Variants in VWC2 observed in about 807,000 individuals in gnomAD.
The protein encoded by VWC2 is von Willebrand factor C domain containing 2.
A neutral mutation model predicts 29.8 loss-of-function variants in VWC2; 14 were observed. The observed-to-expected ratio is 0.47, with a 90% CI of 0.31 to 0.74. The LOEUF is 0.74. VWC2 is among the 30% of genes least tolerant of loss of function. The probability of loss-of-function intolerance (pLI) is 0.05; values close to 1 mark genes in which losing one functional copy is unlikely to be tolerated. For synonymous variants in VWC2, 213 were observed against 199.0 expected (o/e 1.07, Z -0.59); for missense variants, 457 against 459.8 (o/e 0.99, Z 0.05).
intron 3 of VWC2, among the ~76,000 whole-genome samples, chr7:49,819,266 A>G (rs914240673): frequency 1.3e-5 from 2 of 152,208 alleles, no homozygotes; most frequent in African/African-American, 4.8e-5. Flanking sequence ...CAGGAGTTCA[A>G]GGGTGGAGAC....
At chr7:49,861,618 G>C (rs949074925) in intron 3 of VWC2, among the ~76,000 whole-genome samples, 1 of 152,156 alleles carries the variant, frequency 6.6e-6, no homozygotes, top group Non-Finnish European at 1.5e-5. Flanking sequence ...AGAGTTTTAT[G>C]ATTTTTAGAT....
intron 3 of VWC2, among the ~76,000 whole-genome samples, chr7:49,838,125 G>A (rs796371606): frequency 1.3e-5 from 2 of 152,336 alleles, no homozygotes; most frequent in African/African-American, 4.8e-5. Context: ...GAGGACTGAA[G>A]ATCCTGAAGG....
chr7:49,886,635 T>C (rs1162390781), intron 3 of VWC2, among the ~76,000 whole-genome samples: 1 of 152,220 alleles, frequency 6.6e-6, no homozygotes, highest in Non-Finnish European at 1.5e-5. Context: ...CAGGGGTACA[T>C]GGGCAGGTTT....
At chr7:49,880,772 G>T (rs1791629502) in intron 3 of VWC2, among the ~76,000 whole-genome samples, 1 of 152,000 alleles carries the variant, frequency 6.6e-6, no homozygotes, top group Non-Finnish European at 1.5e-5. Context: ...CATGGCACAT[G>T]TATACATAGG....
rs542749262 is a variant in VWC2 at position 49,791,144 on chromosome 7, A to G, written c.697-11567A>G. On this transcript the variant is annotated intron_variant, in intron 2 of 3. Coordinates refer to ENST00000340652, the MANE Select transcript of VWC2 (RefSeq NM_198570.5). Reference sequence around the variant, plus strand: ...CCTCCAGCTCTGAAATCACACAGTTACAGGTTATCAGAAGCTAGTAAGACT... The same window carrying G: ...CCTCCAGCTCTGAAATCACACAGTTGCAGGTTATCAGAAGCTAGTAAGACT... Among the ~76,000 whole-genome samples, 10 of 152,316 alleles carry G rather than the reference A, an allele frequency of 6.6e-5. No homozygotes were observed. The South Asian group carries it at 1.7e-3, about 25-fold the overall frequency.
At chr7:49,879,686 C>T (rs1196786990) in intron 3 of VWC2, among the ~76,000 whole-genome samples, 1 of 152,096 alleles carries the variant, frequency 6.6e-6, no homozygotes, top group Non-Finnish European at 1.5e-5. Flanking sequence ...TTAATCTCTC[C>T]ATCCTAGTAC....
chr7:49,789,406 T>C lies in VWC2; in HGVS notation c.696+13275T>C, dbSNP rs140603336. ...GTATGAAGTAGGCATAGTGGTTTCA[T>C]TGCATTAACATTTCCCCCCATTGGC... On this transcript the variant is annotated intron_variant, in intron 2 of 3. Coordinates refer to ENST00000340652, the MANE Select transcript of VWC2 (RefSeq NM_198570.5). Among the ~76,000 whole-genome samples the C allele has an allele frequency of 1.9e-3, 282 of 148,598 alleles. 1 individual carries two copies. Among genetic ancestry groups the C allele is most frequent in the African/African-American group, 6.6e-3 (274 of 41,226 alleles).
At chr7:49,858,544 G>A (rs993113108) in intron 3 of VWC2, among the ~76,000 whole-genome samples, 1 of 145,450 alleles carries the variant, frequency 6.9e-6, no homozygotes, top group Non-Finnish European at 1.5e-5. Context: ...ATCACACACT[G>A]GGGCCTGTTG....
At chr7:49,874,437 T>G (rs1791309173) in intron 3 of VWC2, among the ~76,000 whole-genome samples, 1 of 152,182 alleles carries the variant, frequency 6.6e-6, no homozygotes, top group African/African-American at 2.4e-5. Context: ...TAGAAGGCTG[T>G]ACTATCTAGG....
rs148803497 is a variant in VWC2, at chr7:49,804,194, A to G, written c.826+1354A>G. Among the ~76,000 whole-genome samples, 24 of 151,816 alleles carry G rather than the reference A, an allele frequency of 1.6e-4. No individual in the cohort carries two copies. In the East Asian group the frequency reaches 4.7e-3, roughly 30 times the overall value. On this transcript the variant is annotated intron_variant, in intron 3 of 3. Coordinates refer to ENST00000340652, the MANE Select transcript of VWC2 (RefSeq NM_198570.5). ...TTTTAAAAAAAAAAATGATGTTGAG[A>G]CACCAGCTGTGAGATGGAGGGAAAT...
chr7:49,816,947 ACACTC>A (rs1300188413), intron 3 of VWC2, among the ~76,000 whole-genome samples: 1 of 152,196 alleles, frequency 6.6e-6, no homozygotes, highest in African/African-American at 2.4e-5. Flanking sequence ...TTGAATCCAG[ACACTC>A]AAGACTGCTT....
At chr7:49,841,700 A>C (rs992015191) in intron 3 of VWC2, among the ~76,000 whole-genome samples, 1 of 152,206 alleles carries the variant, frequency 6.6e-6, no homozygotes, top group African/African-American at 2.4e-5. Context: ...CATTTCTTCT[A>C]ATCATTCATC....
At chr7:49,903,543 C>T (rs1365025444) in intron 3 of VWC2, among the ~76,000 whole-genome samples, 1 of 152,012 alleles carries the variant, frequency 6.6e-6, no homozygotes, top group Non-Finnish European at 1.5e-5. Flanking sequence ...AATAATAAAA[C>T]AATAGATATG....
chr7:49,799,742 G>A (rs970369919), intron 2 of VWC2, among the ~76,000 whole-genome samples: 1 of 152,204 alleles, frequency 6.6e-6, no homozygotes, highest in African/African-American at 2.4e-5. Context: ...ACATCATAAA[G>A]TGAACTTACA....
intron 1 of VWC2, among the ~76,000 whole-genome samples, chr7:49,774,985 C>G (rs1392598255): frequency 2.0e-5 from 3 of 152,158 alleles, no homozygotes. Context: ...GAGGGACACC[C>G]TGGGTGCCTG....
intron 3 of VWC2, among the ~76,000 whole-genome samples, chr7:49,845,933 T>A (rs532293294): frequency 6.6e-6 from 1 of 152,364 alleles, no homozygotes; most frequent in South Asian, 2.1e-4. Flanking sequence ...TTTTCACTAA[T>A]GAGTCTTTGA....
chr7:49,822,826 G>T (rs1266844174), intron 3 of VWC2, among the ~76,000 whole-genome samples: 3 of 152,208 alleles, frequency 2.0e-5, no homozygotes, highest in African/African-American at 7.2e-5. Context: ...GCTCACCTAT[G>T]TTGTTGCCTG....
intron 1 of VWC2, 54 bp downstream of exon 1, chr7:49,774,167 C>G (rs1465328385): frequency 6.6e-6 from 1 of 152,478 alleles, no homozygotes; most frequent in African/African-American, 2.4e-5. Context: ...TGGGTGTCCC[C>G]GCGCGGCCGG....
intron 3 of VWC2, among the ~76,000 whole-genome samples, chr7:49,864,073 T>TTTG (rs143006334): frequency 3.5e-4 from 53 of 152,082 alleles, no homozygotes; most frequent in African/African-American, 1.0e-3. Context: ...GTCTCCTGTT[T>TTTG]TTGTTGTTGT....
Sources: gnomAD v4.1 joint callset for allele counts (sites outside exome capture counted in the v4.1 genomes callset) on GRCh38, gnomAD v4.1.1 for gene constraint, MANE v1.5 for transcripts, NCBI Gene and HGNC (gene_info 2026-07-23, HGNC 2026-07-21) for gene names.